Variants in ASTN2 observed in about 807,000 individuals in gnomAD.
The protein encoded by ASTN2 is astrotactin 2.
A neutral mutation model predicts 139.8 loss-of-function variants in ASTN2; 54 were observed. The ratio of observed to expected loss-of-function variants is 0.39; its 90% CI spans 0.31 to 0.48. The LOEUF (loss-of-function observed/expected upper bound fraction) is 0.48. ASTN2 is among the 20% of genes least tolerant of loss of function. The pLI is 0.95. For synonymous variants in ASTN2, 756 were observed against 719.5 expected, an observed-to-expected ratio of 1.05 and a Z score of -0.81; for missense variants, 1,565 against 1,725.1, an observed-to-expected ratio of 0.91 and a Z score of 1.64.
intron 1 of ASTN2, among the ~76,000 whole-genome samples, chr9:117,330,730 C>T (rs1460519153): frequency 6.6e-6 from 1 of 152,144 alleles, no homozygotes; most frequent in Non-Finnish European, 1.5e-5. Flanking sequence ...AATAGGAAAC[C>T]CCAAATTCAC....
intron 13 of ASTN2, among the ~76,000 whole-genome samples, chr9:116,764,799 T>C (rs1032926647): frequency 6.6e-6 from 1 of 152,182 alleles, no homozygotes; most frequent in African/African-American, 2.4e-5. Context: ...TTTATGTGAG[T>C]GCTGACATTT....
intron 3 of ASTN2, among the ~76,000 whole-genome samples, chr9:117,158,342 G>C (rs1221670849): frequency 6.6e-6 from 1 of 152,050 alleles, no homozygotes; most frequent in African/African-American, 2.4e-5. Flanking sequence ...AAAGGACTTA[G>C]ATATGAATTG....
intron 20 of ASTN2, among the ~76,000 whole-genome samples, chr9:116,484,283 C>T (rs927121565): frequency 3.9e-5 from 6 of 152,182 alleles, no homozygotes; most frequent in Admixed American, 3.3e-4. Flanking sequence ...ACTCTCTTCC[C>T]TACAACCCTT....
chr9:116,833,011 C>CTGGAT (rs76888035), intron 11 of ASTN2, among the ~76,000 whole-genome samples: 35,506 of 150,956 alleles, frequency 0.24, 4,774 homozygotes, highest in East Asian at 0.5. Context: ...TATATTTCTC[C>CTGGAT]AGTGAAACTA....
At chr9:117,176,481 A>G (rs1427378372) in intron 3 of ASTN2, among the ~76,000 whole-genome samples, 1 of 152,226 alleles carries the variant, frequency 6.6e-6, no homozygotes, top group Non-Finnish European at 1.5e-5. Context: ...GGTGGTTAGA[A>G]TATATGTAAT....
chr9:117,175,672 T>C (rs896910448), intron 3 of ASTN2, among the ~76,000 whole-genome samples: 1 of 152,150 alleles, frequency 6.6e-6, no homozygotes, highest in Non-Finnish European at 1.5e-5. Context: ...CTCCAGATAG[T>C]GAACTAGGAC....
At chr9:116,865,788 T>A (rs1426437167) in intron 10 of ASTN2, among the ~76,000 whole-genome samples, 3 of 152,196 alleles carry the variant, frequency 2.0e-5, no homozygotes, top group Non-Finnish European at 4.4e-5. Flanking sequence ...TCCCAAATCA[T>A]GCTCTTCCTT....
At chr9:116,832,571 C>T (rs916890129) in intron 11 of ASTN2, among the ~76,000 whole-genome samples, 4 of 151,514 alleles carry the variant, frequency 2.6e-5, no homozygotes, top group Admixed American at 6.6e-5. Flanking sequence ...AAATCATTTT[C>T]GGTATGGAAT....
At position 116,666,508 on chromosome 9, in the gene ASTN2, G is replaced by T. The variant is rs540069939; in HGVS notation, c.2807-14715C>A. 1.8e-4 allele frequency among the ~76,000 whole-genome samples: 28 copies of T among 152,160 alleles called. No homozygotes were observed. In the South Asian group the frequency reaches 4.6e-3, roughly 25 times the overall value. ...TACAAATCTAAAAATACTTGTGGTTGACCAAACTTAGAATTATGATAGACT... is the reference window on the plus strand; with the variant it reads ...TACAAATCTAAAAATACTTGTGGTTTACCAAACTTAGAATTATGATAGACT... On this transcript the variant is annotated intron_variant, in intron 16 of 22. Transcript: ENST00000313400.
intron 10 of ASTN2, among the ~76,000 whole-genome samples, chr9:116,944,063 C>T (rs1217996839): frequency 5.3e-5 from 8 of 151,820 alleles, no homozygotes; most frequent in African/African-American, 1.9e-4. Flanking sequence ...GTTCTCGGTG[C>T]TTTTATAAAT....
At chr9:116,728,712 C>G (rs1460295031) in intron 15 of ASTN2, among the ~76,000 whole-genome samples, 2 of 152,146 alleles carry the variant, frequency 1.3e-5, no homozygotes, top group African/African-American at 4.8e-5. Flanking sequence ...CATCCCTCCA[C>G]ACCCTACTCA....
At chr9:117,326,487 C>T (rs1452383679) in intron 1 of ASTN2, among the ~76,000 whole-genome samples, 3 of 152,078 alleles carry the variant, frequency 2.0e-5, no homozygotes, top group East Asian at 1.9e-4. Context: ...GCAGAGATAT[C>T]GAATTGCCCA....
chr9:117,037,639 G>A (rs1033307868), intron 6 of ASTN2, among the ~76,000 whole-genome samples: 11 of 152,158 alleles, frequency 7.2e-5, no homozygotes, highest in Non-Finnish European at 1.5e-4. Context: ...ATTTCTACAT[G>A]TATGAAAATA....
chr9:117,206,006 G>T (rs141205656), intron 3 of ASTN2, among the ~76,000 whole-genome samples: 3 of 152,210 alleles, frequency 2.0e-5, no homozygotes, highest in African/African-American at 7.2e-5. Flanking sequence ...TATGTGAAAA[G>T]GAGCAAGAGG....
intron 4 of ASTN2, among the ~76,000 whole-genome samples, chr9:117,116,381 T>C (rs1829391219): frequency 1.3e-5 from 2 of 152,126 alleles, no homozygotes; most frequent in South Asian, 2.1e-4. Flanking sequence ...CTTGTGAACC[T>C]ATGTAGATTG....
chr9:116,498,099 T>C (rs1406435068), intron 19 of ASTN2, among the ~76,000 whole-genome samples: 1 of 152,224 alleles, frequency 6.6e-6, no homozygotes, highest in East Asian at 1.9e-4. Context: ...GTTATGATTC[T>C]TATTTTGTGA....
chr9:116,442,714 C>T (rs1311042307), intron 20 of ASTN2, among the ~76,000 whole-genome samples, 161 bp from the exon 21 acceptor site: 1 of 152,178 alleles, frequency 6.6e-6, no homozygotes, highest in Non-Finnish European at 1.5e-5. Flanking sequence ...TAACTGCCTA[C>T]TCAGCACTTT....
At chr9:116,740,181 T>C (rs948569998) in intron 13 of ASTN2, among the ~76,000 whole-genome samples, 1 of 152,204 alleles carries the variant, frequency 6.6e-6, no homozygotes, top group Admixed American at 6.5e-5. Flanking sequence ...GGGCACATTC[T>C]AAAATGAACA....
At chr9:116,658,858 G>A (rs1178528246) in intron 16 of ASTN2, among the ~76,000 whole-genome samples, 5 of 150,166 alleles carry the variant, frequency 3.3e-5, no homozygotes, top group Admixed American at 1.3e-4. Flanking sequence ...GGAAAGATAC[G>A]GAGATTTTAT....
Sources: allele counts gnomAD v4.1 joint callset (sites outside exome capture counted in the v4.1 genomes callset), GRCh38; gene constraint gnomAD v4.1.1; transcripts MANE v1.5; gene names NCBI Gene and HGNC (gene_info 2026-07-23, HGNC 2026-07-21).